SPAG6: variants seen among roughly 807,000 people sequenced by gnomAD.
The protein encoded by SPAG6 is sperm-associated antigen 6.
A neutral mutation model predicts 58.5 loss-of-function variants in SPAG6; 49 were observed. The ratio of observed to expected loss-of-function variants is 0.84; its 90% CI spans 0.67 to 1.06. The LOEUF (loss-of-function observed/expected upper bound fraction) is 1.06. Ranked by LOEUF, SPAG6 falls within the 50% of genes least tolerant of loss-of-function variation. SPAG6 has a pLI of 0.00. For synonymous variants in SPAG6, 233 were observed against 225.6 expected (o/e 1.03, Z -0.29); for missense variants, 560 against 611.3 (o/e 0.92, Z 0.89).
intron 4 of SPAG6, among the ~76,000 whole-genome samples, chr10:22,370,796 A>G (rs577573558): frequency 1.3e-5 from 2 of 152,330 alleles, no homozygotes; most frequent in African/African-American, 2.4e-5. Context: ...TGACAAAACT[A>G]CAGCAGGGTT....
rs1372052885 is a variant in SPAG6, at chr10:22,416,981, T to C, written c.*293T>C. ...GTTAAAAACCACACACACTCGTACATGCAGACACCTCCAATGAGATATAGT... is the reference window on the plus strand; with the variant it reads ...GTTAAAAACCACACACACTCGTACACGCAGACACCTCCAATGAGATATAGT... On this transcript the variant is annotated 3_prime_UTR_variant, in exon 11 of 11. Coordinates refer to ENST00000376624, the MANE Select transcript of SPAG6 (RefSeq NM_012443.4). The C allele has an allele frequency of 2.1e-5, 5 of 240,380 alleles. No individual in the cohort carries two copies. Among genetic ancestry groups the C allele is most frequent in the Non-Finnish European group, 4.1e-5 (5 of 121,130 alleles). 14.9% of individuals were successfully genotyped at this position (240,380 alleles called of 1,614,324 possible).
At chr10:22,354,713 T>C (rs1564360642) in intron 2 of SPAG6, among the ~76,000 whole-genome samples, 1 of 152,276 alleles carries the variant, frequency 6.6e-6, no homozygotes, top group East Asian at 1.9e-4. Flanking sequence ...GGCTGGGACC[T>C]AATCAAGGGA....
chr10:22,400,702 G>A (rs540714832), intron 8 of SPAG6, among the ~76,000 whole-genome samples: 1 of 152,076 alleles, frequency 6.6e-6, no homozygotes, highest in African/African-American at 2.4e-5. Flanking sequence ...ACTTCTGACT[G>A]CATATGTATA....
chr10:22,409,044 G>C (rs960402032), intron 9 of SPAG6, among the ~76,000 whole-genome samples: 25 of 152,150 alleles, frequency 1.6e-4, no homozygotes, highest in African/African-American at 5.8e-4. Context: ...CTAGTGAGAT[G>C]AACCTGGTAC....
intron 9 of SPAG6, among the ~76,000 whole-genome samples, chr10:22,403,723 A>T (rs2130622809): frequency 6.8e-6 from 1 of 146,476 alleles, no homozygotes; most frequent in East Asian, 2.0e-4. Context: ...GACTTCCACA[A>T]TGGTTGAACT....
intron 10 of SPAG6, among the ~76,000 whole-genome samples, chr10:22,415,909 T>G (rs1834855494): frequency 6.6e-6 from 1 of 152,136 alleles, no homozygotes; most frequent in Non-Finnish European, 1.5e-5. Context: ...CATGACGTAT[T>G]AAGCATCTCA....
At chr10:22,391,972 T>C in intron 8 of SPAG6, 52 bp downstream of exon 8, 1 of 1,156,814 alleles carries the variant, frequency 8.6e-7, no homozygotes, top group Non-Finnish European at 1.3e-6. Flanking sequence ...AAAAAATATG[T>C]CATTTCAAAT....
At chr10:22,412,699 G>A (rs1043919290) in intron 10 of SPAG6, 15 of 420,142 alleles carry the variant, frequency 3.6e-5, no homozygotes, top group Non-Finnish European at 6.4e-5. Context: ...AGCCTCCCAA[G>A]TAGCTGGGAC....
chr10:22,353,755 T>A (rs560447077), intron 2 of SPAG6, among the ~76,000 whole-genome samples: 1 of 152,320 alleles, frequency 6.6e-6, no homozygotes, highest in Admixed American at 6.5e-5. Flanking sequence ...TATAAATAAA[T>A]TATTGTTTAT....
intron 2 of SPAG6, among the ~76,000 whole-genome samples, chr10:22,358,525 A>G (rs1177840984): frequency 1.3e-4 from 19 of 151,816 alleles, no homozygotes; most frequent in Admixed American, 2.6e-4. Context: ...CTCCCATTTT[A>G]TAGGTTGCCT....
Position 22,389,551 on chromosome 10 carries a change from T to C in SPAG6, c.1005+239T>C, listed in dbSNP as rs192638073. 2.0e-5 allele frequency among the ~76,000 whole-genome samples: 3 copies of C among 152,358 alleles called. 1 individual carries two copies. Among genetic ancestry groups the C allele is most frequent in the Admixed American group, 2.0e-4 (3 of 15,300 alleles). ...TCAACTATTTTGAGCATTAGTATTA[T>C]CTGTATTTAAATATTAAGTTTATTT... On this transcript the variant is annotated intron_variant, in intron 7 of 10. Transcript: ENST00000376624.
intron 7 of SPAG6, 76 bp from the exon 8 acceptor site, chr10:22,391,653 C>T: frequency 7.5e-7 from 1 of 1,335,176 alleles, no homozygotes; most frequent in Non-Finnish European, 1.0e-6. Context: ...GATTTCTTCT[C>T]ATGTTTGAGA....
intron 8 of SPAG6, among the ~76,000 whole-genome samples, chr10:22,396,434 T>C (rs1276635411): frequency 6.6e-6 from 1 of 152,194 alleles, no homozygotes; most frequent in African/African-American, 2.4e-5. Context: ...TCCCCAGCCA[T>C]GTGGAACTGT....
intron 3 of SPAG6, among the ~76,000 whole-genome samples, chr10:22,367,562 AAGAAAT>A (rs1273922186): frequency 1.3e-5 from 2 of 152,260 alleles, no homozygotes; most frequent in African/African-American, 2.4e-5. Flanking sequence ...AGTCACTGTG[AAGAAAT>A]AGAAACTTAG....
chr10:22,370,162 AG>A (rs933026561), intron 4 of SPAG6, among the ~76,000 whole-genome samples: 57 of 152,358 alleles, frequency 3.7e-4, no homozygotes, highest in African/African-American at 1.3e-3. Flanking sequence ...TGTAAACATA[AG>A]TTTTTATGTG....
intron 8 of SPAG6, among the ~76,000 whole-genome samples, chr10:22,398,235 A>T (rs1196040150): frequency 6.6e-6 from 1 of 152,244 alleles, no homozygotes; most frequent in Non-Finnish European, 1.5e-5. Flanking sequence ...CATACCATAT[A>T]CCAGAGTTAT....
rs757289229 is a variant in SPAG6 at position 22,387,898 on chromosome 10, A to G, written c.754A>G (p.Ile252Val). The change falls in exon 6 of 11, where the codon ATT becomes GTT. Residue 252 changes from isoleucine to valine, a missense_variant. Transcript: ENST00000376624. ...GGCAGAAATGGTTGTTGAAGCAGAG[A>G]TTTTTCCAGTTGTACTTACCTGTCT... ...DLAEMVVEAE[I>V]FPVVLTCLKD... is the part of the protein sequence containing the mutation. 1 of 1,613,422 alleles carries G rather than the reference A, an allele frequency of 6.2e-7. No homozygotes were observed. Among genetic ancestry groups the G allele is most frequent in the Non-Finnish European group, 8.5e-7 (1 of 1,179,702 alleles).
intron 10 of SPAG6, chr10:22,412,321 C>T: frequency 1.8e-6 from 1 of 567,834 alleles, no homozygotes; most frequent in Non-Finnish European, 3.1e-6. Context: ...CAAGTTGCAA[C>T]ATGTCTGTTA....
intron 2 of SPAG6, chr10:22,360,887 A>G (rs1330065317): frequency 1.5e-5 from 19 of 1,289,802 alleles, no homozygotes; most frequent in Non-Finnish European, 1.9e-5. Flanking sequence ...ATTTCTTTTT[A>G]TTTCCTTCCT....
Sources: gnomAD v4.1 joint callset for allele counts (sites outside exome capture counted in the v4.1 genomes callset) on GRCh38, gnomAD v4.1.1 for gene constraint, MANE v1.5 for transcripts, NCBI Gene and HGNC (gene_info 2026-07-23, HGNC 2026-07-21) for gene names.